RUSC2: variants seen among roughly 807,000 people sequenced by gnomAD.
RUSC2 encodes the protein RUN and SH3 domain containing 2, also known as AP-4 complex accessory subunit RUSC2.
In RUSC2, 34 loss-of-function variants were observed where a neutral mutation model predicts 122.2. The ratio of observed to expected loss-of-function variants is 0.28; its 90% CI spans 0.21 to 0.37. The LOEUF (loss-of-function observed/expected upper bound fraction) is 0.37, where lower values mean the gene tolerates loss of function less well. RUSC2 is among the 10% of genes least tolerant of loss of function. The pLI is 1.00. For missense variants in RUSC2, 1,747 were observed against 1,952.4 expected (o/e 0.89, Z 1.98); for synonymous variants, 784 against 790.0 (o/e 0.99, Z 0.13).
chr9:35,548,484 G>C lies in RUSC2; in HGVS notation c.1963G>C (p.Gly655Arg). ...GATGGATCCAGGGCCTGCTCTCCCA[G>C]GGAGCCCAGCCAACAGCCATACCCA... ...QLMDPGPALPGSPANSHTQRD... is the reference protein window; with the variant it reads ...QLMDPGPALPRSPANSHTQRD... Residue 655 changes from glycine (G) to arginine (R), a missense_variant, in exon 2 of 12, where the codon GGG becomes CGG. Gly to Arg is a moderately radical substitution (Grantham distance 125). Coordinates refer to ENST00000361226, the MANE Select transcript of RUSC2 (RefSeq NM_014806.5). The surrounding 1 kb of genome is among the most constrained non-coding windows in gnomAD (Gnocchi z 4.5). 6.2e-7 allele frequency: 1 copy of C among 1,613,784 alleles called. No homozygotes were observed. The highest frequency in any genetic ancestry group is 8.5e-7 in the Non-Finnish European group (1 of 1,180,018).
At chr9:35,514,238 AC>A (rs1564248279) in intron 1 of RUSC2, among the ~76,000 whole-genome samples, 1 of 152,078 alleles carries the variant, frequency 6.6e-6, no homozygotes, top group East Asian at 1.9e-4. Flanking sequence ...AGAAAATACA[AC>A]CAGTAGCCTG....
At chr9:35,537,407 C>A (rs979447835) in intron 1 of RUSC2, among the ~76,000 whole-genome samples, 4 of 152,238 alleles carry the variant, frequency 2.6e-5, no homozygotes, top group African/African-American at 7.2e-5. Flanking sequence ...CATTTCCTCA[C>A]CTTTCAGCCT....
rs1822068043 is a variant in RUSC2 at position 35,558,371 on chromosome 9, G to A, written c.3235G>A (p.Gly1079Ser). The A allele has an allele frequency of 1.2e-6, 2 of 1,614,036 alleles. No homozygotes were observed. The highest frequency in any genetic ancestry group is 2.2e-5 in the East Asian group (1 of 44,874). ...TGTGGTTGAGGCTTCCACACAGCTA[G>A]GTAGGTGCTGGGTGCCAAGACGGGG... is the stretch of plus-strand genomic sequence containing the variant. ...WSVVEASTQL[G>S]PSTKVLHGLY... Residue 1079 changes from glycine (G) to serine (S), a missense_variant and splice_region_variant, in exon 7 of 12, where the codon GGC becomes AGC. Gly to Ser is a moderately conservative substitution (Grantham distance 56). Coordinates refer to ENST00000361226, the MANE Select transcript of RUSC2 (RefSeq NM_014806.5). This position sits in a 1 kb window ranked among gnomAD's most constrained non-coding sequence, Gnocchi z 4.3.
Position 35,555,616 on chromosome 9 carries a change from G to A in RUSC2, c.2571G>A (p.Leu857=), listed in dbSNP as rs950810239. The change falls in exon 3 of 12, where the codon CTG becomes CTA. Residue 857 remains leucine, a synonymous_variant. Transcript: ENST00000361226. The surrounding 1 kb of genome is among the most constrained non-coding windows in gnomAD (Gnocchi z 4.6). ...RLHGTGSLPP[L]GSWRSGLSRA... ...ATGGAACAGGAAGCTTGCCGCCTCT[G>A]GGCTCCTGGCGATCTGGCCTCAGCC... is the stretch of plus-strand genomic sequence containing the variant. 1 of 1,613,000 alleles carries A rather than the reference G, an allele frequency of 6.2e-7. No homozygotes were observed. Among genetic ancestry groups the A allele is most frequent in the African/African-American group, 1.3e-5 (1 of 75,054 alleles).
At chr9:35,535,835 C>T (rs557430789) in intron 1 of RUSC2, among the ~76,000 whole-genome samples, 36 of 152,288 alleles carry the variant, frequency 2.4e-4, no homozygotes, top group Middle Eastern at 3.4e-3. Context: ...CCACCGTGCC[C>T]GGCCAAGCAT....
chr9:35,555,033 G>C lies in RUSC2; in HGVS notation c.2015-27G>C. Reference sequence around the variant, plus strand: ...ATATGGGTTTCAGTGTCTGTCTACTGATTTCTTCTCCATCCCTTTGCTACA... The same window carrying C: ...ATATGGGTTTCAGTGTCTGTCTACTCATTTCTTCTCCATCCCTTTGCTACA... On this transcript the variant is annotated intron_variant, in intron 2 of 11. Transcript: ENST00000361226. The surrounding 1 kb of genome is among the most constrained non-coding windows in gnomAD (Gnocchi z 4.6). 6.2e-7 allele frequency: 1 copy of C among 1,606,740 alleles called. No individual in the cohort carries two copies. The highest frequency in any genetic ancestry group is 1.1e-5 in the South Asian group (1 of 91,050).
At chr9:35,493,135 C>T (rs10972492) in intron 1 of RUSC2, among the ~76,000 whole-genome samples, 26,395 of 151,916 alleles carry the variant, frequency 0.17, 2,832 homozygotes, top group East Asian at 0.33. Flanking sequence ...TGCTCCTCTC[C>T]CTCCTTCTAC....
At chr9:35,549,222 T>C (rs1821835453) in intron 2 of RUSC2, 1 of 985,070 alleles carries the variant, frequency 1.0e-6, no homozygotes, top group South Asian at 4.7e-5. Context: ...CTTTAGGAGT[T>C]TGCAGTGCCT....
chr9:35,538,812 G>A (rs1488406640), intron 1 of RUSC2: 1 of 152,338 alleles, frequency 6.6e-6, no homozygotes, highest in Non-Finnish European at 1.5e-5. Flanking sequence ...GAGGGAGGCT[G>A]AGTGGCTGTG....
chr9:35,532,529 G>C (rs1401636663), intron 1 of RUSC2, among the ~76,000 whole-genome samples: 1 of 152,142 alleles, frequency 6.6e-6, no homozygotes, highest in Non-Finnish European at 1.5e-5. Context: ...CAGATCACTT[G>C]AGCTCAGGAG....
chr9:35,548,998 C>T lies in RUSC2; in HGVS notation c.2014+463C>T. The T allele has an allele frequency of 1.1e-6, 1 of 924,654 alleles. No homozygotes were observed. The highest frequency in any genetic ancestry group is 1.3e-6 in the Non-Finnish European group (1 of 774,652). 57.3% of individuals were successfully genotyped at this position (924,654 alleles called of 1,614,324 possible). ...ACTGAGCTGAGATCATACCACTGCA[C>T]TCCAGCCTGGGCAGACAGAGTGAGA... On this transcript the variant is annotated intron_variant, in intron 2 of 11. Transcript: ENST00000361226. This position sits in a 1 kb window ranked among gnomAD's most constrained non-coding sequence, Gnocchi z 4.5.
intron 1 of RUSC2, among the ~76,000 whole-genome samples, chr9:35,542,142 G>A (rs146089664): frequency 0.012 from 1,863 of 152,202 alleles, 46 homozygotes; most frequent in African/African-American, 0.043. Context: ...AATTGGAATC[G>A]TCTATGGAGG....
At position 35,560,330 on chromosome 9, in the gene RUSC2, G is replaced by C. The variant is rs372597507; in HGVS notation, c.3690G>C (p.Lys1230Asn). The C allele has an allele frequency of 6.2e-7, 1 of 1,608,566 alleles. No homozygotes were observed. The highest frequency in any genetic ancestry group is 1.3e-5 in the African/African-American group (1 of 74,888). The change falls in exon 10 of 12, where the codon AAG becomes AAC. Residue 1230 changes from lysine (K) to asparagine (N), a missense_variant. Physicochemically the swap from Lys to Asn is moderately conservative, Grantham distance 94 (BLOSUM62 0). Coordinates refer to ENST00000361226, the MANE Select transcript of RUSC2 (RefSeq NM_014806.5). ...GGGCAGCCCAAGGGGAGCGGGTGAA[G>C]GGTGTGGGTGCCTCAGAAGGTGGAG... ...VDRAAQGERV[K>N]GVGASEGGEE...
intron 5 of RUSC2, 101 bp downstream of exon 5, chr9:35,556,549 G>GCCCTCTAAGTGCTGGCTGGC: frequency 7.4e-7 from 1 of 1,345,698 alleles, no homozygotes; most frequent in Non-Finnish European, 1.0e-6. Flanking sequence ...TGCTGGCTGG[G>GCCCTCTAAGTGCTGGCTGGC]CCCAGTGGCT....
chr9:35,554,693 G>C (rs745387444), intron 2 of RUSC2, among the ~76,000 whole-genome samples: 18 of 152,182 alleles, frequency 1.2e-4, no homozygotes, highest in Non-Finnish European at 2.5e-4. Context: ...GAGATGAAGA[G>C]GAAGGTCCAG....
chr9:35,524,401 G>A (rs559448365), intron 1 of RUSC2, among the ~76,000 whole-genome samples: 9 of 152,216 alleles, frequency 5.9e-5, no homozygotes, highest in Admixed American at 2.6e-4. Context: ...TTGGATGAAA[G>A]TTTGATGGGA....
intron 2 of RUSC2, among the ~76,000 whole-genome samples, chr9:35,550,883 A>G (rs1821878091): frequency 6.6e-6 from 1 of 151,312 alleles, no homozygotes; most frequent in African/African-American, 2.4e-5. Context: ...CACCAGCCTG[A>G]CCAACATGGT....
At chr9:35,560,891 G>A (rs1227029397) in intron 10 of RUSC2, 40 bp downstream of exon 10, 5 of 1,579,728 alleles carry the variant, frequency 3.2e-6, no homozygotes, top group Middle Eastern at 1.7e-4. Flanking sequence ...GGAGTAGGGA[G>A]CCTGCTGTAA....
Position 35,555,848 on chromosome 9 carries a change from A to G in RUSC2, c.2657-104A>G, listed in dbSNP as rs777757328. On this transcript the variant is annotated intron_variant, in intron 3 of 11. Transcript: ENST00000361226. The surrounding 1 kb of genome is among the most constrained non-coding windows in gnomAD (Gnocchi z 4.6). ...CCCTCAGCATCTGTAGATAATATCC[A>G]CAGATAATCTAGTGTTTCATATGGG... 276 of 1,479,926 alleles carry G rather than the reference A, an allele frequency of 1.9e-4. No individual in the cohort carries two copies. The highest frequency in any genetic ancestry group is 2.5e-4 in the Non-Finnish European group (269 of 1,092,778). 91.7% of individuals were successfully genotyped at this position (1,479,926 alleles called of 1,614,324 possible). A position where few individuals can be genotyped will look rare whatever the true frequency, so the allele number is the denominator to read the frequency against.
Sources: allele counts gnomAD v4.1 joint callset (sites outside exome capture counted in the v4.1 genomes callset), GRCh38; gene constraint gnomAD v4.1.1; non-coding constraint Gnocchi (gnomAD v3.1); transcripts MANE v1.5; gene names NCBI Gene and HGNC (gene_info 2026-07-23, HGNC 2026-07-21).